Variants in RBM8A observed in about 807,000 individuals in gnomAD.
RBM8A encodes the protein RNA-binding protein 8A.
A neutral mutation model predicts 25.1 loss-of-function variants in RBM8A; 8 were observed. The observed-to-expected ratio is 0.32, with a 90% CI of 0.19 to 0.58. RBM8A has a LOEUF of 0.58. Ranked by LOEUF, RBM8A falls within the 20% of genes least tolerant of loss-of-function variation. The pLI, the probability that RBM8A is intolerant of heterozygous loss-of-function variation, is 0.88. For missense variants in RBM8A, 114 were observed against 236.8 expected (o/e 0.48, Z 3.40); for synonymous variants, 66 against 80.0 (o/e 0.82, Z 0.94).
Position 145,922,892 on chromosome 1 carries a change from G to A in RBM8A, c.*2990C>T, listed in dbSNP as rs1300819974. 1 of 151,850 alleles carries A rather than the reference G, an allele frequency of 6.6e-6. No homozygotes were observed. The highest frequency in any genetic ancestry group is 6.6e-5 in the Admixed American group (1 of 15,206). 9.4% of individuals were successfully genotyped at this position (151,850 alleles called of 1,614,324 possible). A position where few individuals can be genotyped will look rare whatever the true frequency, so the allele number is the denominator to read the frequency against. Reference sequence around the variant, plus strand: ...AAAGGAAAGATCAAAACAAGGCTGTGGACCAAACTATAAATCCAAGAGCTT... The same window carrying A: ...AAAGGAAAGATCAAAACAAGGCTGTAGACCAAACTATAAATCCAAGAGCTT... On this transcript the variant is annotated 3_prime_UTR_variant, in exon 6 of 6. Transcript: ENST00000583313.
rs1648110420 is a variant in RBM8A, at chr1:145,925,688, C to G, written c.*194G>C. 9.8e-6 allele frequency: 6 copies of G among 611,118 alleles called. No homozygotes were observed. The highest frequency in any genetic ancestry group is 1.7e-5 in the Non-Finnish European group (6 of 347,256). The allele number at this position is 611,118 out of a possible 1,614,324, so 37.9% of individuals were successfully genotyped here. A position where few individuals can be genotyped will look rare whatever the true frequency, so the allele number is the denominator to read the frequency against. On this transcript the variant is annotated 3_prime_UTR_variant, in exon 6 of 6. Coordinates refer to ENST00000583313, the MANE Select transcript of RBM8A (RefSeq NM_005105.5). ...CATACAGCCTTGCTATGCTTTAGAA[C>G]TTTCAATTTTAGGACAGGAAAGTAA...
rs1160668987 is a variant in RBM8A at position 145,921,800 on chromosome 1, CAGA to C, written c.*4079_*4081del. On this transcript the variant is annotated 3_prime_UTR_variant, in exon 6 of 6. Transcript: ENST00000583313. The stretch of plus-strand genomic sequence containing the variant: ...TGAGACTGTAGGATTAGAATTATGT[CAGA>C]AGGAGGCCAAGAAGGGTCTAGGATT... 1.3e-5 allele frequency: 2 copies of C among 154,472 alleles called. No individual in the cohort carries two copies. The highest frequency in any genetic ancestry group is 1.3e-4 in the Admixed American group (2 of 15,308). The allele number at this position is 154,472 out of a possible 1,614,324, so 9.6% of individuals were successfully genotyped here. A position where few individuals can be genotyped will look rare whatever the true frequency, so the allele number is the denominator to read the frequency against.
At position 145,926,518 on chromosome 1, in the gene RBM8A, A is replaced by T; in HGVS notation, c.306T>A (p.Ile102=). 6.2e-7 allele frequency: 1 copy of T among 1,614,086 alleles called. No individual in the cohort carries two copies. Among genetic ancestry groups the T allele is most frequent in the Admixed American group, 1.7e-5 (1 of 60,006 alleles). ...CTGTTCGCCTGTCGAGGTTGAGATG[A>T]ATGTTTTTAATTTCCCCATATTCTG... ...KFAEYGEIKN[I]HLNLDRRTGY... Residue 102 remains isoleucine, a synonymous_variant, in exon 4 of 6, where the codon ATT becomes ATA. Coordinates refer to ENST00000583313, the MANE Select transcript of RBM8A (RefSeq NM_005105.5).
At position 145,922,312 on chromosome 1, in the gene RBM8A, T is replaced by C. The variant is rs1647830221; in HGVS notation, c.*3570A>G. On this transcript the variant is annotated 3_prime_UTR_variant, in exon 6 of 6. Coordinates refer to ENST00000583313, the MANE Select transcript of RBM8A (RefSeq NM_005105.5). ...AATCCAAGTGTTAAAAAGAAGCCTG[T>C]TGCTACAGTGCCATTTACAATTAGG... is the stretch of plus-strand genomic sequence containing the variant. 2 of 152,250 alleles carry C rather than the reference T, an allele frequency of 1.3e-5. No homozygotes were observed. Among genetic ancestry groups the C allele is most frequent in the African/African-American group, 4.8e-5 (2 of 41,470 alleles). 9.4% of individuals were successfully genotyped at this position (152,250 alleles called of 1,614,324 possible).
In RBM8A at chr1:145,924,624, A is replaced by G. The variant is rs2101875391; in HGVS notation, c.*1258T>C. On this transcript the variant is annotated 3_prime_UTR_variant, in exon 6 of 6. Transcript: ENST00000583313. The stretch of plus-strand genomic sequence containing the variant: ...CATCAAGTCTAGACTTGGTGGCTTC[A>G]TATTTCTATCATAATCCCTGGGGGT... The G allele has an allele frequency of 2.8e-6, 1 of 354,076 alleles. No homozygotes were observed. Among genetic ancestry groups the G allele is most frequent in the East Asian group, 7.5e-5 (1 of 13,412 alleles). 21.9% of individuals were successfully genotyped at this position (354,076 alleles called of 1,614,324 possible). A position where few individuals can be genotyped will look rare whatever the true frequency, so the allele number is the denominator to read the frequency against.
chr1:145,921,559 G>C lies in RBM8A; in HGVS notation c.*4323C>G, dbSNP rs587742553. 6.6e-6 allele frequency: 1 copy of C among 152,428 alleles called. No individual in the cohort carries two copies. Among genetic ancestry groups the C allele is most frequent in the East Asian group, 1.9e-4 (1 of 5,236 alleles). The allele number at this position is 152,428 out of a possible 1,614,324, so 9.4% of individuals were successfully genotyped here. ...AAAAGAGAGTGACATAACCAAATTTGTGTTTTTTACTGACTTTATTGTCGA... is the reference window on the plus strand; with the variant it reads ...AAAAGAGAGTGACATAACCAAATTTCTGTTTTTTACTGACTTTATTGTCGA... On this transcript the variant is annotated 3_prime_UTR_variant, in exon 6 of 6. Coordinates refer to ENST00000583313, the MANE Select transcript of RBM8A (RefSeq NM_005105.5).
chr1:145,924,450 T>G lies in RBM8A; in HGVS notation c.*1432A>C, dbSNP rs1373296658. 1 of 435,266 alleles carries G rather than the reference T, an allele frequency of 2.3e-6. No homozygotes were observed. The highest frequency in any genetic ancestry group is 4.9e-6 in the Non-Finnish European group (1 of 205,740). The allele number at this position is 435,266 out of a possible 1,614,324, so 27.0% of individuals were successfully genotyped here. On this transcript the variant is annotated 3_prime_UTR_variant, in exon 6 of 6. Coordinates refer to ENST00000583313, the MANE Select transcript of RBM8A (RefSeq NM_005105.5). ...TTTATTTATCTACCTACCTAATAGC[T>G]ATCTACCAGTCACTAAACCATGGTG...
chr1:145,926,416 A>G, intron 4 of RBM8A, 66 bp downstream of exon 4: 1 of 1,577,352 alleles, frequency 6.3e-7, no homozygotes. Context: ...CACAGCAAAC[A>G]CAGAACTACG....
At chr1:145,927,322 C>A in intron 1 of RBM8A, 38 bp downstream of exon 1, 1 of 1,600,092 alleles carries the variant, frequency 6.2e-7, no homozygotes, top group East Asian at 2.2e-5. Context: ...TCTCTCGCAC[C>A]TTCCCCGCTT....
Position 145,925,071 on chromosome 1 carries a change from C to G in RBM8A, c.*811G>C, listed in dbSNP as rs1648069027. ...TCCTCTATGGGGCCTTCACCCTTGG[C>G]TGCCGAAGAGGGCACCAAGAACTTA... On this transcript the variant is annotated 3_prime_UTR_variant, in exon 6 of 6. Transcript: ENST00000583313. 3.8e-6 allele frequency: 1 copy of G among 263,292 alleles called. No homozygotes were observed. The highest frequency in any genetic ancestry group is 5.6e-5 in the African/African-American group (1 of 17,836). 16.3% of individuals were successfully genotyped at this position (263,292 alleles called of 1,614,324 possible).
At position 145,925,851 on chromosome 1, in the gene RBM8A, T is replaced by C. The variant is rs1430928308; in HGVS notation, c.*31A>G. On this transcript the variant is annotated 3_prime_UTR_variant, in exon 6 of 6. Transcript: ENST00000583313. ...AAGGCTGCATGGTCAAATGGAATCTTGAAGAGAACACCTGGACAACAGAGG... is the reference window on the plus strand; with the variant it reads ...AAGGCTGCATGGTCAAATGGAATCTCGAAGAGAACACCTGGACAACAGAGG... The C allele has an allele frequency of 1.8e-5, 29 of 1,600,552 alleles. No homozygotes were observed. Among genetic ancestry groups the C allele is most frequent in the Middle Eastern group, 2.0e-4 (1 of 5,076 alleles).
At position 145,922,675 on chromosome 1, in the gene RBM8A, G is replaced by A. The variant is rs1165589904; in HGVS notation, c.*3207C>T. 6.6e-6 allele frequency: 1 copy of A among 152,062 alleles called. No homozygotes were observed. Among genetic ancestry groups the A allele is most frequent in the Admixed American group, 6.6e-5 (1 of 15,262 alleles). 9.4% of individuals were successfully genotyped at this position (152,062 alleles called of 1,614,324 possible). A position where few individuals can be genotyped will look rare whatever the true frequency, so the allele number is the denominator to read the frequency against. On this transcript the variant is annotated 3_prime_UTR_variant, in exon 6 of 6. Coordinates refer to ENST00000583313, the MANE Select transcript of RBM8A (RefSeq NM_005105.5). ...TCTGTATTGCCCATATGCTGTAATT[G>A]TAGTTAAAATATTAGTGTTAATAAA... is the stretch of plus-strand genomic sequence containing the variant.
intron 5 of RBM8A, 46 bp from the exon 6 acceptor site, chr1:145,925,973 T>C (rs1158508184): frequency 3.7e-6 from 6 of 1,614,058 alleles, no homozygotes; most frequent in African/African-American, 1.3e-5. Flanking sequence ...AGGGACATAA[T>C]ACTAAGTCCT....
chr1:145,924,670 G>A lies in RBM8A; in HGVS notation c.*1212C>T, dbSNP rs1648001385. The A allele has an allele frequency of 8.4e-6, 3 of 357,234 alleles. No homozygotes were observed. The highest frequency in any genetic ancestry group is 6.3e-5 in the South Asian group (3 of 47,566). The allele number at this position is 357,234 out of a possible 1,614,324, so 22.1% of individuals were successfully genotyped here. On this transcript the variant is annotated 3_prime_UTR_variant, in exon 6 of 6. Coordinates refer to ENST00000583313, the MANE Select transcript of RBM8A (RefSeq NM_005105.5). ...GGGGTAAGAAATCATATAGTCCCAG[G>A]TTGGGAAGGGGAAAACGGTTTGCAA...
At position 145,925,431 on chromosome 1, in the gene RBM8A, C is replaced by G. The variant is rs879946564; in HGVS notation, c.*451G>C. 5.5e-6 allele frequency: 2 copies of G among 361,088 alleles called. No individual in the cohort carries two copies. The highest frequency in any genetic ancestry group is 1.5e-4 in the East Asian group (2 of 13,608). The allele number at this position is 361,088 out of a possible 1,614,324, so 22.4% of individuals were successfully genotyped here. A position where few individuals can be genotyped will look rare whatever the true frequency, so the allele number is the denominator to read the frequency against. On this transcript the variant is annotated 3_prime_UTR_variant, in exon 6 of 6. Coordinates refer to ENST00000583313, the MANE Select transcript of RBM8A (RefSeq NM_005105.5). ...ACTAGCCCAGGTAACACAGCAAGACCCCATCTCTACAAAAATATTAAAAAT... is the reference window on the plus strand; with the variant it reads ...ACTAGCCCAGGTAACACAGCAAGACGCCATCTCTACAAAAATATTAAAAAT...
At position 145,924,143 on chromosome 1, in the gene RBM8A, A is replaced by G; in HGVS notation, c.*1739T>C. On this transcript the variant is annotated 3_prime_UTR_variant, in exon 6 of 6. Coordinates refer to ENST00000583313, the MANE Select transcript of RBM8A (RefSeq NM_005105.5). ...GGGGAACCAGTTCTAATAGTCCTCA[A>G]CTCCACTCCAGCTGTTCCTGTTCCA... The G allele has an allele frequency of 1.4e-6, 1 of 709,898 alleles. No individual in the cohort carries two copies. The allele number at this position is 709,898 out of a possible 1,614,324, so 44.0% of individuals were successfully genotyped here.
At position 145,925,219 on chromosome 1, in the gene RBM8A, A is replaced by G. The variant is rs1318083151; in HGVS notation, c.*663T>C. 2 of 298,882 alleles carry G rather than the reference A, an allele frequency of 6.7e-6. No individual in the cohort carries two copies. The highest frequency in any genetic ancestry group is 3.4e-5 in the African/African-American group (1 of 29,356). The allele number at this position is 298,882 out of a possible 1,614,324, so 18.5% of individuals were successfully genotyped here. A position where few individuals can be genotyped will look rare whatever the true frequency, so the allele number is the denominator to read the frequency against. ...GGCAGGAGAAACAAAAGGCATTTCT[A>G]TAACATCTATCTGATCCTAACAGAG... On this transcript the variant is annotated 3_prime_UTR_variant, in exon 6 of 6. Transcript: ENST00000583313.
At position 145,926,569 on chromosome 1, in the gene RBM8A, G is replaced by A. The variant is rs781969248; in HGVS notation, c.255C>T (p.Thr85=). 2.9e-5 allele frequency: 47 copies of A among 1,613,866 alleles called. No individual in the cohort carries two copies. In the East Asian group the frequency reaches 6.7e-4, roughly 23 times the overall value. Residue 85 remains threonine, a synonymous_variant, in exon 4 of 6, where the codon ACC becomes ACT. Transcript: ENST00000583313. ...LFVTGVHEEA[T]EEDIHDKFAE... ...CGAATTTGTCGTGTATGTCTTCTTC[G>A]GTGGCTTCCTCATGGACTCCAGTTA...
chr1:145,926,466 G>T lies in RBM8A; in HGVS notation c.342+16C>A, dbSNP rs1553755918. The T allele has an allele frequency of 6.2e-7, 1 of 1,613,208 alleles. No individual in the cohort carries two copies. The highest frequency in any genetic ancestry group is 1.1e-5 in the South Asian group (1 of 91,018). ...CTTATGAAAGAAAGGAGGCAATAAAGTGTCACTTAGGATACCTTCAGATAT... is the reference window on the plus strand; with the variant it reads ...CTTATGAAAGAAAGGAGGCAATAAATTGTCACTTAGGATACCTTCAGATAT... On this transcript the variant is annotated intron_variant, in intron 4 of 5. Transcript: ENST00000583313.
Sources: gnomAD v4.1 joint callset for allele counts on GRCh38, gnomAD v4.1.1 for gene constraint, MANE v1.5 for transcripts, NCBI Gene and HGNC (gene_info 2026-07-23, HGNC 2026-07-21) for gene names.